MAP2: variants seen among roughly 807,000 people sequenced by gnomAD.
MAP2 encodes the protein microtubule associated protein 2.
Under a neutral mutation model 137.6 loss-of-function variants are expected in MAP2, and 14 were observed. The observed-to-expected ratio is 0.10, with a 90% CI of 0.07 to 0.16. MAP2 has a LOEUF of 0.16. Among genes scored for constraint, MAP2 ranks in the 10% least tolerant of loss-of-function variants. The pLI is 1.00. For synonymous variants in MAP2, 786 were observed against 782.3 expected, an observed-to-expected ratio of 1.00 and a Z score of -0.08; for missense variants, 2,088 against 2,191.5, an observed-to-expected ratio of 0.95 and a Z score of 0.94.
chr2:209,518,501 C>T (rs776307203), intron 2 of MAP2, among the ~76,000 whole-genome samples: 1 of 152,084 alleles, frequency 6.6e-6, no homozygotes, highest in Non-Finnish European at 1.5e-5. Flanking sequence ...AATGAGGACT[C>T]AGAAGTTGAG....
At chr2:209,642,474 C>T (rs2094115454) in intron 4 of MAP2, among the ~76,000 whole-genome samples, 1 of 150,632 alleles carries the variant, frequency 6.6e-6, no homozygotes, top group Non-Finnish European at 1.5e-5. Flanking sequence ...AAAATAATAA[C>T]AAGTAGTAGG....
intron 1 of MAP2, among the ~76,000 whole-genome samples, chr2:209,440,572 A>G (rs1697509243): frequency 6.6e-6 from 1 of 151,480 alleles, no homozygotes; most frequent in Non-Finnish European, 1.5e-5. Flanking sequence ...GCATTGCATT[A>G]ATTCACACTT....
intron 1 of MAP2, among the ~76,000 whole-genome samples, chr2:209,429,146 G>A (rs1182932276): frequency 1.3e-5 from 2 of 151,808 alleles, no homozygotes; most frequent in African/African-American, 4.8e-5. Context: ...GTAGAGACAG[G>A]GTTTCACCTT....
At chr2:209,616,149 C>T (rs1056077123) in intron 3 of MAP2, among the ~76,000 whole-genome samples, 2 of 152,198 alleles carry the variant, frequency 1.3e-5, no homozygotes, top group African/African-American at 4.8e-5. Flanking sequence ...AACCACCAAA[C>T]AGAGGTACCA....
chr2:209,484,117 T>C (rs1318780943), intron 1 of MAP2, among the ~76,000 whole-genome samples: 2 of 152,212 alleles, frequency 1.3e-5, no homozygotes, highest in African/African-American at 4.8e-5. Context: ...CCTCTATTTC[T>C]TCTAAGAACA....
At chr2:209,474,498 A>G (rs908811701) in intron 1 of MAP2, among the ~76,000 whole-genome samples, 5 of 152,152 alleles carry the variant, frequency 3.3e-5, no homozygotes, top group African/African-American at 1.2e-4. Flanking sequence ...GGTTTCTGAC[A>G]AATAGTATTC....
intron 3 of MAP2, among the ~76,000 whole-genome samples, chr2:209,615,670 C>A (rs1293388653): frequency 3.9e-5 from 6 of 152,156 alleles, no homozygotes; most frequent in African/African-American, 1.2e-4. Context: ...TAGGCAGATA[C>A]AGGCAGGTCC....
At chr2:209,498,183 GC>G (rs1287682900) in intron 1 of MAP2, among the ~76,000 whole-genome samples, 1 of 152,200 alleles carries the variant, frequency 6.6e-6, no homozygotes, top group Non-Finnish European at 1.5e-5. Flanking sequence ...GGGGCTAAAG[GC>G]CCCATGCAAG....
At chr2:209,575,518 C>CAAAAA (rs71043942) in intron 2 of MAP2, among the ~76,000 whole-genome samples, 1 of 28,384 alleles carries the variant, frequency 3.5e-5, no homozygotes, top group Non-Finnish European at 9.0e-5. Context: ...GACTCCATCT[C>CAAAAA]AAAAAAAAAA....
chr2:209,645,282 A>G (rs1225055892), intron 4 of MAP2, among the ~76,000 whole-genome samples: 1 of 152,228 alleles, frequency 6.6e-6, no homozygotes, highest in African/African-American at 2.4e-5. Flanking sequence ...TTAAGTTTTA[A>G]TTTGTACATA....
intron 3 of MAP2, among the ~76,000 whole-genome samples, chr2:209,583,139 G>GTCTATCTATCTA (rs1219307163): frequency 8.9e-6 from 1 of 112,782 alleles, no homozygotes; most frequent in African/African-American, 3.7e-5. Context: ...CTATCCATCT[G>GTCTATCTATCTA]TCTGTCTGTC....
At chr2:209,624,162 T>C (rs1396229928) in intron 3 of MAP2, among the ~76,000 whole-genome samples, 1 of 152,156 alleles carries the variant, frequency 6.6e-6, no homozygotes, top group Non-Finnish European at 1.5e-5. Flanking sequence ...GAAGAGTTAA[T>C]AGGTGTCAGA....
intron 2 of MAP2, among the ~76,000 whole-genome samples, chr2:209,571,967 T>A (rs1211025745): frequency 6.6e-6 from 1 of 151,910 alleles, no homozygotes; most frequent in Non-Finnish European, 1.5e-5. Flanking sequence ...AATTTATTAC[T>A]TTTAGAATTG....
chr2:209,620,427 A>G (rs116462659), intron 3 of MAP2, among the ~76,000 whole-genome samples: 2 of 152,360 alleles, frequency 1.3e-5, no homozygotes, highest in African/African-American at 4.8e-5. Flanking sequence ...ATCCTTTCAA[A>G]TTATATTTTG....
At position 209,680,726 on chromosome 2, in the gene MAP2, A is replaced by G. The variant is rs750511850; in HGVS notation, c.377-24A>G. 25 of 1,601,458 alleles carry G rather than the reference A, an allele frequency of 1.6e-5. No individual in the cohort carries two copies. The Admixed American group carries it at 3.8e-4, about 25-fold the overall frequency. ...CTAAAAGGATTAATTATTGCATCTC[A>G]TTTTTCTATTGTTTGATCTTTAGCA... On this transcript the variant is annotated intron_variant, in intron 6 of 15. Coordinates refer to ENST00000682079, the MANE Select transcript of MAP2 (RefSeq NM_001375505.1).
intron 2 of MAP2, among the ~76,000 whole-genome samples, chr2:209,540,126 C>T (rs2066679290): frequency 7.2e-6 from 1 of 138,200 alleles, no homozygotes; most frequent in Non-Finnish European, 1.6e-5. Flanking sequence ...AAAAAAAAGC[C>T]ACAAAGTTTA....
In MAP2 at chr2:209,696,960, G is replaced by A; in HGVS notation, c.4431G>A (p.Gln1477=). The A allele has an allele frequency of 6.2e-7, 1 of 1,613,130 alleles. No homozygotes were observed. Among genetic ancestry groups the A allele is most frequent in the Non-Finnish European group, 8.5e-7 (1 of 1,179,796 alleles). ...AACTTGCTAAAAAAACAGAAGTTCA[G>A]GCCCACTCTCCCTCCAGGAAATTCA... ...KAELAKKTEV[Q]AHSPSRKFIL... is the part of the protein sequence containing the mutation. Residue 1477 remains glutamine (Q), a synonymous_variant, in exon 10 of 16, where the codon CAG becomes CAA. Transcript: ENST00000682079.
intron 3 of MAP2, among the ~76,000 whole-genome samples, chr2:209,600,176 A>G (rs1439774442): frequency 6.6e-6 from 1 of 152,186 alleles, no homozygotes; most frequent in Non-Finnish European, 1.5e-5. Context: ...TACCCAAAAT[A>G]AAAACAAACA....
At chr2:209,516,289 G>A (rs541339138) in intron 2 of MAP2, among the ~76,000 whole-genome samples, 45 of 152,058 alleles carry the variant, frequency 3.0e-4, no homozygotes, top group African/African-American at 1.1e-3. Context: ...TAAAGAGAGT[G>A]GGCTTGATGT....
Sources: allele counts gnomAD v4.1 joint callset (sites outside exome capture counted in the v4.1 genomes callset), GRCh38; gene constraint gnomAD v4.1.1; transcripts MANE v1.5; gene names NCBI Gene and HGNC (gene_info 2026-07-23, HGNC 2026-07-21).